Variants in FER observed in about 807,000 individuals in gnomAD.
FER encodes FER tyrosine kinase.
A neutral mutation model predicts 111.0 loss-of-function variants in FER; 63 were observed. The ratio of observed to expected loss-of-function variants is 0.57; its 90% confidence interval spans 0.46 to 0.70. The LOEUF is 0.70. Ranked by LOEUF, FER falls within the 30% of genes least tolerant of loss-of-function variation. The pLI is 0.00. For synonymous variants in FER, 327 were observed against 313.9 expected, an observed-to-expected ratio of 1.04 and a Z score of -0.44; for missense variants, 914 against 954.0, an observed-to-expected ratio of 0.96 and a Z score of 0.55.
intron 17 of FER, 56 bp downstream of exon 17, chr5:109,100,575 C>G: frequency 6.6e-7 from 1 of 1,516,576 alleles, no homozygotes; most frequent in Admixed American, 1.9e-5. Context: ...TGCTGGAAAA[C>G]TGATGTATTT....
chr5:109,178,109 C>G (rs958984380), intron 17 of FER, among the ~76,000 whole-genome samples: 12 of 152,204 alleles, frequency 7.9e-5, no homozygotes, highest in Admixed American at 5.2e-4. Context: ...AGCCCAGACA[C>G]CATATCCTTT....
At chr5:109,081,556 G>A (rs1215850493) in intron 16 of FER, among the ~76,000 whole-genome samples, 4 of 151,956 alleles carry the variant, frequency 2.6e-5, no homozygotes, top group Non-Finnish European at 5.9e-5. Context: ...TTCATACCCT[G>A]AATGATATCT....
intron 10 of FER, among the ~76,000 whole-genome samples, chr5:108,938,498 G>T (rs546944120): frequency 5.3e-5 from 8 of 152,086 alleles, no homozygotes; most frequent in African/African-American, 1.7e-4. Flanking sequence ...TTAGTTGCTT[G>T]GGTGTGAACT....
At chr5:108,756,057 G>C (rs1751064723) in intron 1 of FER, among the ~76,000 whole-genome samples, 2 of 150,648 alleles carry the variant, frequency 1.3e-5, no homozygotes, top group Admixed American at 6.6e-5. Context: ...GGGAGACTGA[G>C]GCAGGAGAAT....
At chr5:109,052,036 T>C (rs1350210926) in intron 16 of FER, 6 of 1,596,078 alleles carry the variant, frequency 3.8e-6, no homozygotes, top group Non-Finnish European at 4.3e-6. Flanking sequence ...CTTACCATGC[T>C]CTTCAATACC....
At chr5:109,045,473 A>G (rs1019471254) in intron 15 of FER, among the ~76,000 whole-genome samples, 2 of 152,170 alleles carry the variant, frequency 1.3e-5, no homozygotes, top group African/African-American at 4.8e-5. Context: ...ATAATAAAGA[A>G]TAAGATTTGG....
At chr5:108,938,018 T>G (rs1308600898) in intron 10 of FER, among the ~76,000 whole-genome samples, 1 of 115,214 alleles carries the variant, frequency 8.7e-6, no homozygotes, top group Non-Finnish European at 1.8e-5. Context: ...TTTTTCCCTA[T>G]CTCTCTCTCA....
At chr5:108,792,089 T>A (rs1755443578) in intron 2 of FER, among the ~76,000 whole-genome samples, 1 of 152,188 alleles carries the variant, frequency 6.6e-6, no homozygotes, top group South Asian at 2.1e-4. Context: ...CTGTAGCTTT[T>A]TAGTAGGTTT....
rs545147096 is a variant in FER, at chr5:109,042,816, G to A, written c.1714-1864G>A. Reference sequence around the variant, plus strand: ...GAAAAATGTAGAAAAGGCATGACACGTATTTAGGGATCACTATGTATTTGA... The same window carrying A: ...GAAAAATGTAGAAAAGGCATGACACATATTTAGGGATCACTATGTATTTGA... On this transcript the variant is annotated intron_variant, in intron 14 of 19. Transcript: ENST00000281092. Among the ~76,000 whole-genome samples the A allele has an allele frequency of 8.1e-4, 124 of 152,274 alleles. 2 individuals are homozygous for A. The South Asian group carries it at 0.014, about 17-fold the overall frequency.
At chr5:109,186,359 AG>A (rs746088720) in intron 19 of FER, 37 bp downstream of exon 19, 1 of 1,613,872 alleles carries the variant, frequency 6.2e-7, no homozygotes, top group Non-Finnish European at 8.5e-7. Context: ...GTTCATGTCC[AG>A]CCCCAGGGGT....
chr5:108,846,516 A>T (rs189876415), intron 5 of FER, among the ~76,000 whole-genome samples: 1 of 152,096 alleles, frequency 6.6e-6, no homozygotes, highest in Non-Finnish European at 1.5e-5. Context: ...TCCATTTCAT[A>T]TAAGTTATAG....
At chr5:108,957,565 T>C (rs1758591944) in intron 12 of FER, among the ~76,000 whole-genome samples, 1 of 151,644 alleles carries the variant, frequency 6.6e-6, no homozygotes, top group African/African-American at 2.4e-5. Context: ...AAAGCTATGA[T>C]AGAACTGCCA....
intron 1 of FER, among the ~76,000 whole-genome samples, chr5:108,761,970 G>A (rs1009371666): frequency 1.3e-5 from 2 of 152,022 alleles, no homozygotes; most frequent in African/African-American, 2.4e-5. Context: ...GAGTGCAGTG[G>A]CATGATCTCA....
chr5:108,829,455 T>C (rs550734033), intron 3 of FER, among the ~76,000 whole-genome samples: 2 of 152,282 alleles, frequency 1.3e-5, no homozygotes, highest in South Asian at 2.1e-4. Context: ...CTGAACAACA[T>C]AGTGAGACCT....
At chr5:109,125,719 T>A (rs1751628691) in intron 17 of FER, among the ~76,000 whole-genome samples, 2 of 152,210 alleles carry the variant, frequency 1.3e-5, no homozygotes, top group South Asian at 4.1e-4. Flanking sequence ...GGATTTTTTC[T>A]CTCTCTCTTC....
intron 17 of FER, among the ~76,000 whole-genome samples, chr5:109,136,535 C>T (rs78984939): frequency 0.1 from 15,915 of 152,120 alleles, 847 homozygotes; most frequent in Non-Finnish European, 0.12. Context: ...GAAAGACAAT[C>T]TTGAGAATAA....
intron 5 of FER, among the ~76,000 whole-genome samples, chr5:108,845,009 T>TATATATATATACATAC (rs1761778152): frequency 3.0e-5 from 1 of 33,128 alleles, no homozygotes. Flanking sequence ...TATATATATA[T>TATATATATATACATAC]ATATATATAT....
In FER at chr5:109,186,364, CA is replaced by C. The variant is rs1456374061; in HGVS notation, c.2326+43del. 3.7e-6 allele frequency: 6 copies of C among 1,613,684 alleles called. No individual in the cohort carries two copies. The Middle Eastern group carries it at 8.2e-4, about 222-fold the overall frequency. On this transcript the variant is annotated intron_variant, in intron 19 of 19. Coordinates refer to ENST00000281092, the MANE Select transcript of FER (RefSeq NM_005246.4). ...CATTGTTAGTGTTCATGTCCAGCCC[CA>C]GGGGTAGGCAGTGCTTATAGTGTGT...
chr5:109,076,660 A>G (rs966743793), intron 16 of FER, among the ~76,000 whole-genome samples: 1 of 151,654 alleles, frequency 6.6e-6, no homozygotes, highest in African/African-American at 2.4e-5. Context: ...CTGGTCTCGA[A>G]CTCCTGGGCT....
Sources: gnomAD v4.1 joint callset for allele counts (sites outside exome capture counted in the v4.1 genomes callset) on GRCh38, gnomAD v4.1.1 for gene constraint, MANE v1.5 for transcripts, NCBI Gene and HGNC (gene_info 2026-07-23, HGNC 2026-07-21) for gene names.